Variants in CPA6 observed in about 807,000 individuals in gnomAD.
The protein encoded by CPA6 is carboxypeptidase B.
A neutral mutation model predicts 63.3 loss-of-function variants in CPA6; 58 were observed. That is an observed-to-expected ratio of 0.92 (90% CI 0.74 to 1.14). CPA6 has a LOEUF of 1.14. CPA6 is among the 50% of genes most tolerant of loss of function. The pLI, the probability that CPA6 is intolerant of heterozygous loss-of-function variation, is 0.00. For synonymous variants in CPA6, 185 were observed against 179.0 expected (o/e 1.03, Z -0.27); for missense variants, 565 against 526.6 (o/e 1.07, Z -0.71).
At chr8:67,611,171 C>T (rs374789962) in intron 2 of CPA6, among the ~76,000 whole-genome samples, 6 of 152,076 alleles carry the variant, frequency 3.9e-5, no homozygotes, top group Admixed American at 2.0e-4. Context: ...CAACCTCCAC[C>T]TCCCAGGTTC....
chr8:67,554,323 C>T (rs965420446), intron 2 of CPA6, among the ~76,000 whole-genome samples: 1 of 152,090 alleles, frequency 6.6e-6, no homozygotes, highest in African/African-American at 2.4e-5. Context: ...TGGTGTCTTA[C>T]ATGGCAAGAA....
chr8:67,466,877 C>G (rs1240264933), intron 8 of CPA6, among the ~76,000 whole-genome samples: 1 of 152,148 alleles, frequency 6.6e-6, no homozygotes, highest in Non-Finnish European at 1.5e-5. Flanking sequence ...GTGTATGTAT[C>G]ATACACACAT....
Position 67,745,964 on chromosome 8 carries a change from C to A in CPA6, c.116+50G>T, listed in dbSNP as rs371447072. The A allele has an allele frequency of 5.7e-6, 8 of 1,406,156 alleles. No individual in the cohort carries two copies. The African/African-American group carries it at 1.1e-4, about 20-fold the overall frequency. The allele number at this position is 1,406,156 out of a possible 1,614,324, so 87.1% of individuals were successfully genotyped here. A position where few individuals can be genotyped will look rare whatever the true frequency, so the allele number is the denominator to read the frequency against. ...GAGGCACACTCTGGAGCAAACCAGC[C>A]CCCAGATCCAAATCAAAGCTGTGTA... On this transcript the variant is annotated intron_variant, in intron 1 of 10. Coordinates refer to ENST00000297770, the MANE Select transcript of CPA6 (RefSeq NM_020361.5).
intron 1 of CPA6, among the ~76,000 whole-genome samples, chr8:67,666,874 C>T (rs532900563): frequency 2.6e-5 from 4 of 152,216 alleles, no homozygotes; most frequent in African/African-American, 7.2e-5. Context: ...AGCATTTCAC[C>T]GGGTGGGCCT....
intron 1 of CPA6, among the ~76,000 whole-genome samples, chr8:67,681,220 T>TTTTTTTTTTTTTTTTTTTTTG (rs60654107): frequency 7.7e-6 from 1 of 129,794 alleles, no homozygotes; most frequent in Admixed American, 7.4e-5. Flanking sequence ...TTTTTTTTTT[T>TTTTTTTTTTTTTTTTTTTTTG]GAGACGGAGT....
chr8:67,497,761 G>A (rs201051802), intron 6 of CPA6, among the ~76,000 whole-genome samples: 1 of 150,638 alleles, frequency 6.6e-6, no homozygotes, highest in African/African-American at 2.4e-5. Flanking sequence ...GTGTGATCTC[G>A]GCTCACTGCA....
intron 2 of CPA6, among the ~76,000 whole-genome samples, chr8:67,519,235 A>C (rs1485266202): frequency 1.3e-5 from 2 of 152,226 alleles, no homozygotes; most frequent in African/African-American, 2.4e-5. Flanking sequence ...GGCCTTCATC[A>C]AAGGCACAAT....
intron 2 of CPA6, among the ~76,000 whole-genome samples, chr8:67,605,273 T>G (rs1048019133): frequency 1.1e-4 from 17 of 152,066 alleles, no homozygotes; most frequent in African/African-American, 4.1e-4. Flanking sequence ...TCTCAGTCTG[T>G]GTTAGATTTT....
At position 67,713,099 on chromosome 8, in the gene CPA6, G is replaced by GTGTATATA. The variant is rs1328463977; in HGVS notation, c.116+32914_116+32915insTATATACA. On this transcript the variant is annotated intron_variant, in intron 1 of 10. Transcript: ENST00000297770. ...TGTGTGTGTATGTGTGTGTGTGTGTGTATATATATATATATATATATATAT... is the reference window on the plus strand; with the variant it reads ...TGTGTGTGTATGTGTGTGTGTGTGTGTGTATATATATATATATATATATATATATATAT... Among the ~76,000 whole-genome samples the GTGTATATA allele has an allele frequency of 1.2e-3, 66 of 55,020 alleles. 1 individual carries two copies. Among genetic ancestry groups the GTGTATATA allele is most frequent in the African/African-American group, 3.6e-3 (48 of 13,486 alleles). 36.1% of individuals were successfully genotyped at this position (55,020 alleles called of 152,430 possible).
At chr8:67,552,401 A>C (rs1812958375) in intron 2 of CPA6, among the ~76,000 whole-genome samples, 1 of 152,220 alleles carries the variant, frequency 6.6e-6, no homozygotes, top group African/African-American at 2.4e-5. Flanking sequence ...TGCTGAGTAT[A>C]GGTGCTCAAT....
chr8:67,731,983 G>A (rs1817714246), intron 1 of CPA6, among the ~76,000 whole-genome samples: 1 of 152,002 alleles, frequency 6.6e-6, no homozygotes. Flanking sequence ...CTCTAAATTT[G>A]GTAAAAGGTA....
At chr8:67,449,798 C>T (rs1179461170) in intron 8 of CPA6, among the ~76,000 whole-genome samples, 3 of 150,174 alleles carry the variant, frequency 2.0e-5, no homozygotes, top group African/African-American at 7.4e-5. Flanking sequence ...GAATCAGTCA[C>T]CCAAGCCATC....
intron 1 of CPA6, among the ~76,000 whole-genome samples, chr8:67,666,289 C>T (rs1332906403): frequency 6.6e-6 from 1 of 152,182 alleles, no homozygotes; most frequent in Non-Finnish European, 1.5e-5. Context: ...AACCTGAGGC[C>T]TTGCCTGGTA....
chr8:67,620,716 G>T (rs1000435110), intron 2 of CPA6, among the ~76,000 whole-genome samples: 1 of 152,106 alleles, frequency 6.6e-6, no homozygotes, highest in Non-Finnish European at 1.5e-5. Flanking sequence ...TGACATCAAG[G>T]TAACGCAATG....
At chr8:67,612,279 C>T (rs1409170618) in intron 2 of CPA6, among the ~76,000 whole-genome samples, 1 of 152,296 alleles carries the variant, frequency 6.6e-6, no homozygotes, top group African/African-American at 2.4e-5. Flanking sequence ...CCAAAGGTTG[C>T]TTCTTCCATA....
chr8:67,659,587 G>C (rs780258043), intron 1 of CPA6, among the ~76,000 whole-genome samples: 7 of 152,104 alleles, frequency 4.6e-5, no homozygotes, highest in Non-Finnish European at 7.4e-5. Context: ...GTCTCCTGGC[G>C]CTTGGATTAT....
At position 67,467,752 on chromosome 8, in the gene CPA6, C is replaced by G. The variant is rs1205702565; in HGVS notation, c.838+16016G>C. 3.3e-5 allele frequency among the ~76,000 whole-genome samples: 5 copies of G among 152,188 alleles called. No homozygotes were observed. In the East Asian group the frequency reaches 9.6e-4, roughly 29 times the overall value. On this transcript the variant is annotated intron_variant, in intron 8 of 10. Coordinates refer to ENST00000297770, the MANE Select transcript of CPA6 (RefSeq NM_020361.5). ...GCACGGCGGCTTATGCCTGTAATAC[C>G]AGGACTTCTGGAGGCCGAGGGGGGC...
chr8:67,468,977 G>A (rs1810994147), intron 8 of CPA6, among the ~76,000 whole-genome samples: 1 of 152,114 alleles, frequency 6.6e-6, no homozygotes, highest in Admixed American at 6.5e-5. Flanking sequence ...TTCACCTTCT[G>A]CCCTACAGTT....
rs115416184 is a variant in CPA6, at chr8:67,703,125, T to C, written c.116+42889A>G. Among the ~76,000 whole-genome samples the C allele has an allele frequency of 4.2e-3, 633 of 152,332 alleles. 4 individuals are homozygous for C. Among genetic ancestry groups the C allele is most frequent in the African/African-American group, 0.013 (522 of 41,576 alleles). ...TTGGATATGTTCCCCAGTGGTGAGA[T>C]ACCTCTATGCCTCTCCTCCTTTGGC... On this transcript the variant is annotated intron_variant, in intron 1 of 10. Transcript: ENST00000297770.
Sources: allele counts gnomAD v4.1 joint callset (sites outside exome capture counted in the v4.1 genomes callset), GRCh38; gene constraint gnomAD v4.1.1; transcripts MANE v1.5; gene names NCBI Gene and HGNC (gene_info 2026-07-23, HGNC 2026-07-21).